Variants in ST8SIA1 observed in about 807,000 individuals in gnomAD.
The protein encoded by ST8SIA1 is alpha-N-acetylneuraminide alpha-2,8-sialyltransferase.
Under a neutral mutation model 35.9 loss-of-function variants are expected in ST8SIA1, and 16 were observed. The ratio of observed to expected loss-of-function variants is 0.45; its 90% CI spans 0.30 to 0.68. The LOEUF is 0.68. ST8SIA1 is among the 30% of genes least tolerant of loss of function. The pLI is 0.09. For synonymous variants in ST8SIA1, 170 were observed against 169.6 expected, an observed-to-expected ratio of 1.00 and a Z score of -0.02; for missense variants, 383 against 453.6, an observed-to-expected ratio of 0.84 and a Z score of 1.41.
chr12:22,206,169 A>G (rs1865106952), intron 4 of ST8SIA1, among the ~76,000 whole-genome samples: 1 of 152,216 alleles, frequency 6.6e-6, no homozygotes, highest in South Asian at 2.1e-4. Context: ...AATAGGAGAA[A>G]ATAAGTTTTT....
At chr12:22,283,286 T>G (rs1390687100) in intron 2 of ST8SIA1, among the ~76,000 whole-genome samples, 1 of 152,176 alleles carries the variant, frequency 6.6e-6, no homozygotes, top group Non-Finnish European at 1.5e-5. Flanking sequence ...AAAGGAAATA[T>G]TTTTCAGATT....
chr12:22,287,325 C>T (rs765373767), intron 1 of ST8SIA1, 32 bp from the exon 2 acceptor site: 1 of 1,600,172 alleles, frequency 6.2e-7, no homozygotes, highest in South Asian at 1.1e-5. Flanking sequence ...GAGAAAAGAA[C>T]AGCAGGTTAA....
intron 2 of ST8SIA1, among the ~76,000 whole-genome samples, chr12:22,276,079 C>T (rs1373657941): frequency 6.6e-6 from 1 of 152,156 alleles, no homozygotes; most frequent in Non-Finnish European, 1.5e-5. Flanking sequence ...CAGCACAACA[C>T]TGGGGAGTGA....
At chr12:22,254,255 T>A (rs1303061298) in intron 3 of ST8SIA1, among the ~76,000 whole-genome samples, 2 of 151,950 alleles carry the variant, frequency 1.3e-5, no homozygotes, top group Non-Finnish European at 2.9e-5. Flanking sequence ...TGTCCACTCA[T>A]CCCCGAGATA....
At chr12:22,326,011 G>A in intron 1 of ST8SIA1, 1 of 539,440 alleles carries the variant, frequency 1.9e-6, no homozygotes, top group Non-Finnish European at 3.3e-6. Flanking sequence ...TCAAAACAGA[G>A]CACAATTTAA....
chr12:22,204,835 G>A (rs527311895), intron 4 of ST8SIA1, among the ~76,000 whole-genome samples: 4 of 152,116 alleles, frequency 2.6e-5, no homozygotes, highest in Non-Finnish European at 5.9e-5. Context: ...TACTGAATAT[G>A]TTTAATATTA....
intron 4 of ST8SIA1, among the ~76,000 whole-genome samples, chr12:22,219,081 A>T (rs1476175961): frequency 6.6e-6 from 1 of 152,098 alleles, no homozygotes; most frequent in Non-Finnish European, 1.5e-5. Context: ...TCTATACTCT[A>T]ATTTAAAACA....
At chr12:22,293,165 C>T (rs754209326) in intron 1 of ST8SIA1, among the ~76,000 whole-genome samples, 1 of 152,164 alleles carries the variant, frequency 6.6e-6, no homozygotes, top group Admixed American at 6.6e-5. Context: ...GCAGCGAATC[C>T]CATTTCCTGC....
At chr12:22,209,521 C>G (rs949783718) in intron 4 of ST8SIA1, among the ~76,000 whole-genome samples, 1 of 152,186 alleles carries the variant, frequency 6.6e-6, no homozygotes, top group Non-Finnish European at 1.5e-5. Flanking sequence ...AGAAACAGTA[C>G]ACTTTTATGC....
chr12:22,231,723 A>G (rs368895284), intron 4 of ST8SIA1, among the ~76,000 whole-genome samples: 31 of 151,752 alleles, frequency 2.0e-4, no homozygotes, highest in East Asian at 1.2e-3. Context: ...ACAGGCACCC[A>G]CCACCACGCC....
At chr12:22,320,961 A>AAGAAAG (rs1565595850) in intron 1 of ST8SIA1, among the ~76,000 whole-genome samples, 9 of 79,122 alleles carry the variant, frequency 1.1e-4, no homozygotes, top group Non-Finnish European at 1.5e-4. Flanking sequence ...AAGAAAGAGA[A>AAGAAAG]AGAAAGAAAG....
At chr12:22,253,669 T>G (rs572431390) in intron 3 of ST8SIA1, among the ~76,000 whole-genome samples, 1 of 152,264 alleles carries the variant, frequency 6.6e-6, no homozygotes, top group South Asian at 2.1e-4. Context: ...TGAGCAGGTG[T>G]TGCATTGACT....
chr12:22,228,233 G>C (rs1205966084), intron 4 of ST8SIA1, among the ~76,000 whole-genome samples: 1 of 152,224 alleles, frequency 6.6e-6, no homozygotes, highest in Non-Finnish European at 1.5e-5. Context: ...TTCTTTGCCA[G>C]TGGATAGAGT....
intron 2 of ST8SIA1, among the ~76,000 whole-genome samples, chr12:22,278,817 T>C (rs1003635937): frequency 1.4e-4 from 21 of 152,160 alleles, no homozygotes; most frequent in African/African-American, 4.8e-4. Flanking sequence ...CATAATAATT[T>C]TCAGAGTATA....
At chr12:22,265,343 C>T (rs1865835290) in intron 2 of ST8SIA1, among the ~76,000 whole-genome samples, 1 of 152,204 alleles carries the variant, frequency 6.6e-6, no homozygotes, top group Non-Finnish European at 1.5e-5. Context: ...AGCTTCATGC[C>T]ATTGCTAGAC....
intron 1 of ST8SIA1, chr12:22,326,187 G>A (rs74669263): frequency 3.1e-6 from 1 of 324,352 alleles, no homozygotes; most frequent in Non-Finnish European, 5.6e-6. Context: ...CCACGTTCTT[G>A]TATTCATCAC....
In ST8SIA1 at chr12:22,213,211, A is replaced by G. The variant is rs568215585; in HGVS notation, c.585-11173T>C. 1.1e-4 allele frequency among the ~76,000 whole-genome samples: 17 copies of G among 151,584 alleles called. No individual in the cohort carries two copies. The East Asian group carries it at 2.7e-3, about 24-fold the overall frequency. On this transcript the variant is annotated intron_variant, in intron 4 of 4. Coordinates refer to ENST00000396037, the MANE Select transcript of ST8SIA1 (RefSeq NM_003034.4). ...CCTGCCCACCAAATTATCCTTAAAA[A>G]CCCCAGCCTCTCAGTTCTCAAGGAA...
At chr12:22,243,034 T>G (rs1468043740) in intron 4 of ST8SIA1, among the ~76,000 whole-genome samples, 1 of 152,232 alleles carries the variant, frequency 6.6e-6, no homozygotes, top group Non-Finnish European at 1.5e-5. Context: ...TACTGAGAAT[T>G]TCTTTTAGAT....
rs530033130 is a variant in ST8SIA1, at chr12:22,196,074, T to A, written c.*5478A>T. On this transcript the variant is annotated 3_prime_UTR_variant, in exon 5 of 5. Coordinates refer to ENST00000396037, the MANE Select transcript of ST8SIA1 (RefSeq NM_003034.4). Reference sequence around the variant, plus strand: ...ACAAGAAAAAAATTACCTGAAAGAATTTTAGCACAATATAGAGATCAATAG... The same window carrying A: ...ACAAGAAAAAAATTACCTGAAAGAAATTTAGCACAATATAGAGATCAATAG... 2.0e-5 allele frequency: 3 copies of A among 152,318 alleles called. No homozygotes were observed. The highest frequency in any genetic ancestry group is 7.2e-5 in the African/African-American group (3 of 41,578). 9.4% of individuals were successfully genotyped at this position (152,318 alleles called of 1,614,324 possible). A position where few individuals can be genotyped will look rare whatever the true frequency, so the allele number is the denominator to read the frequency against.
Sources: allele counts gnomAD v4.1 joint callset (sites outside exome capture counted in the v4.1 genomes callset), GRCh38; gene constraint gnomAD v4.1.1; transcripts MANE v1.5; gene names NCBI Gene and HGNC (gene_info 2026-07-23, HGNC 2026-07-21).